The following CYP7B1 variants were observed in gnomAD, a reference collection of about 807,000 sequenced individuals.
The protein encoded by CYP7B1 is cytochrome P450 7B1.
CYP7B1 carries 29 observed loss-of-function variants against 42.7 expected under a neutral mutation model. That is an observed-to-expected ratio of 0.68 (90% CI 0.51 to 0.93). The LOEUF (loss-of-function observed/expected upper bound fraction) is 0.93. Among genes scored for constraint, CYP7B1 ranks in the 40% least tolerant of loss-of-function variants. CYP7B1 has a pLI of 0.00. For synonymous variants in CYP7B1, 235 were observed against 218.2 expected, an observed-to-expected ratio of 1.08 and a Z score of -0.68; for missense variants, 655 against 600.5, an observed-to-expected ratio of 1.09 and a Z score of -0.95.
intron 1 of CYP7B1, among the ~76,000 whole-genome samples, chr8:64,669,511 T>G (rs1462085493): frequency 1.3e-5 from 2 of 152,134 alleles, no homozygotes; most frequent in African/African-American, 4.8e-5. Context: ...ACTAAACTTT[T>G]TACAGCAAGA....
At chr8:64,710,865 A>G (rs1807069451) in intron 1 of CYP7B1, among the ~76,000 whole-genome samples, 1 of 151,758 alleles carries the variant, frequency 6.6e-6, no homozygotes, top group Non-Finnish European at 1.5e-5. Flanking sequence ...TAAGCTTCAT[A>G]TTTGAAAATA....
rs117486754 is a variant in CYP7B1 at position 64,648,283 on chromosome 8, A to G, written c.123-23744T>C. Among the ~76,000 whole-genome samples, 969 of 152,272 alleles carry G rather than the reference A, an allele frequency of 6.4e-3. 5 individuals are homozygous for G. Among genetic ancestry groups the G allele is most frequent in the Non-Finnish European group, 0.01 (707 of 68,010 alleles). ...CTGTATTTCATTATTCCTTGTCATA[A>G]TTCGCCATTGAATTTAACCCTAGTC... On this transcript the variant is annotated intron_variant, in intron 1 of 5. Transcript: ENST00000310193.
At chr8:64,588,507 G>A, downstream of CYP7B1, among the ~76,000 whole-genome samples, 1 of 152,156 alleles carries the variant, frequency 6.6e-6, no homozygotes, top group Non-Finnish European at 1.5e-5. Context: ...TTAGAGATGA[G>A]AATTTAAATT....
At chr8:64,678,881 C>CTGTGTGTGTG (rs56067911) in intron 1 of CYP7B1, among the ~76,000 whole-genome samples, 12 of 147,744 alleles carry the variant, frequency 8.1e-5, no homozygotes, top group South Asian at 4.3e-4. Context: ...AACATCAATG[C>CTGTGTGTGTG]TGTGTGTGTG....
intron 1 of CYP7B1, among the ~76,000 whole-genome samples, chr8:64,727,055 T>C (rs969639408): frequency 2.6e-5 from 4 of 152,186 alleles, no homozygotes; most frequent in Admixed American, 1.3e-4. Context: ...CAGAGTGCTA[T>C]AGGGTTAGAC....
chr8:64,783,179 G>A (rs996164032), intron 1 of CYP7B1, among the ~76,000 whole-genome samples: 3 of 152,166 alleles, frequency 2.0e-5, no homozygotes, highest in Non-Finnish European at 4.4e-5. Context: ...AAAAGGGGAA[G>A]AAACAAGAAA....
intron 1 of CYP7B1, among the ~76,000 whole-genome samples, chr8:64,626,997 T>C (rs565331595): frequency 6.6e-6 from 1 of 152,276 alleles, no homozygotes. Flanking sequence ...ACTTTGAAAA[T>C]AAAACTCAGA....
intron 1 of CYP7B1, among the ~76,000 whole-genome samples, chr8:64,778,174 A>AATATATAT (rs60859854): frequency 0.017 from 2,241 of 133,186 alleles, 44 homozygotes; most frequent in East Asian, 0.068. Context: ...ACTAGTTTGA[A>AATATATAT]ATATATATAT....
chr8:64,641,948 T>C (rs949406029), intron 1 of CYP7B1, among the ~76,000 whole-genome samples: 1 of 152,226 alleles, frequency 6.6e-6, no homozygotes, highest in African/African-American at 2.4e-5. Flanking sequence ...TTCTTTGAGT[T>C]GTAGGCCACT....
chr8:64,775,713 TTGTC>T (rs1007635396), intron 1 of CYP7B1, among the ~76,000 whole-genome samples: 9 of 152,178 alleles, frequency 5.9e-5, no homozygotes, highest in Middle Eastern at 3.4e-3. Context: ...ACAGTGAACT[TTGTC>T]TGGGAGAGAG....
chr8:64,624,355 AG>A (rs1469308178), intron 2 of CYP7B1, 47 bp downstream of exon 2: 3 of 1,566,480 alleles, frequency 1.9e-6, no homozygotes, highest in East Asian at 2.2e-5. Flanking sequence ...TTAAAGAACA[AG>A]TGAAAAATGA....
At chr8:64,622,230 A>G (rs1316866735) in intron 2 of CYP7B1, among the ~76,000 whole-genome samples, 2 of 152,260 alleles carry the variant, frequency 1.3e-5, no homozygotes, top group Non-Finnish European at 2.9e-5. Context: ...TAAAGCATTG[A>G]AATTAAGTCA....
At chr8:64,598,033 G>A (rs1400340099) in intron 5 of CYP7B1, among the ~76,000 whole-genome samples, 1 of 152,222 alleles carries the variant, frequency 6.6e-6, no homozygotes, top group African/African-American at 2.4e-5. Context: ...GTTAATGACA[G>A]TGAACCATTT....
rs138589571 is a variant in CYP7B1 at position 64,788,921 on chromosome 8, A to C, written c.122+9545T>G. Among the ~76,000 whole-genome samples the C allele has an allele frequency of 9.9e-5, 15 of 151,556 alleles. No homozygotes were observed. The East Asian group carries it at 2.9e-3, about 30-fold the overall frequency. On this transcript the variant is annotated intron_variant, in intron 1 of 5. Transcript: ENST00000310193. Reference sequence around the variant, plus strand: ...TATAGGGTAGCTTTTTGTACTTCGCACTCTTTTTTCTTATTTTCAGATGCA... The same window carrying C: ...TATAGGGTAGCTTTTTGTACTTCGCCCTCTTTTTTCTTATTTTCAGATGCA...
At chr8:64,684,693 A>G (rs1218591558) in intron 1 of CYP7B1, among the ~76,000 whole-genome samples, 1 of 152,186 alleles carries the variant, frequency 6.6e-6, no homozygotes, top group Non-Finnish European at 1.5e-5. Flanking sequence ...TGCTCAACAA[A>G]TATTTGGTGA....
intron 1 of CYP7B1, among the ~76,000 whole-genome samples, chr8:64,777,927 C>A (rs188060930): frequency 2.0e-3 from 297 of 151,270 alleles, no homozygotes; most frequent in African/African-American, 7.0e-3. Context: ...TTTTTGGATT[C>A]TTTCCCTTAA....
At chr8:64,792,062 C>G (rs1004930271) in intron 1 of CYP7B1, among the ~76,000 whole-genome samples, 3 of 152,068 alleles carry the variant, frequency 2.0e-5, no homozygotes, top group African/African-American at 7.2e-5. Context: ...AAATGAAGAA[C>G]TAAGGAATGT....
At chr8:64,681,049 G>A (rs934135647) in intron 1 of CYP7B1, among the ~76,000 whole-genome samples, 4 of 152,120 alleles carry the variant, frequency 2.6e-5, no homozygotes, top group African/African-American at 9.7e-5. Context: ...CAAACGTTTA[G>A]AGAACAGCAA....
At chr8:64,617,896 C>T (rs1198733827) in intron 2 of CYP7B1, among the ~76,000 whole-genome samples, 2 of 151,144 alleles carry the variant, frequency 1.3e-5, no homozygotes, top group East Asian at 1.9e-4. Flanking sequence ...CATGAATATA[C>T]ATGTGCTATG....
Sources: gnomAD v4.1 joint callset for allele counts (sites outside exome capture counted in the v4.1 genomes callset) on GRCh38, gnomAD v4.1.1 for gene constraint, MANE v1.5 for transcripts, NCBI Gene and HGNC (gene_info 2026-07-23, HGNC 2026-07-21) for gene names.